MACF1: variants seen among roughly 807,000 people sequenced by gnomAD.
The protein encoded by MACF1 is microtubule-actin cross-linking factor 1.
MACF1 carries 193 observed loss-of-function variants against 854.8 expected under a neutral mutation model. The observed-to-expected ratio is 0.23, with a 90% CI of 0.20 to 0.25. The LOEUF (loss-of-function observed/expected upper bound fraction) is 0.25, where lower values mean the gene tolerates loss of function less well. Ranked by LOEUF, MACF1 falls within the 10% of genes least tolerant of loss-of-function variation. The probability of loss-of-function intolerance (pLI) is 1.00; values close to 1 mark genes in which losing one functional copy is unlikely to be tolerated. For synonymous variants in MACF1, 3,185 were observed against 3,226.7 expected (o/e 0.99, Z 0.44); for missense variants, 7,722 against 8,929.1 (o/e 0.86, Z 5.45).
intron 1 of MACF1, among the ~76,000 whole-genome samples, chr1:39,230,934 G>GC (rs1318758362): frequency 6.6e-6 from 1 of 152,190 alleles, no homozygotes; most frequent in Non-Finnish European, 1.5e-5. Flanking sequence ...AAATTATTGT[G>GC]CTAAGGAGAC....
intron 43 of MACF1, among the ~76,000 whole-genome samples, chr1:39,352,334 G>A (rs1647209076): frequency 6.6e-6 from 1 of 152,128 alleles, no homozygotes; most frequent in Non-Finnish European, 1.5e-5. Flanking sequence ...GTTCTGTTTA[G>A]TTGAGGAAAG....
At chr1:39,190,300 C>T (rs1240724696) in intron 2 of MACF1, among the ~76,000 whole-genome samples, 2 of 151,216 alleles carry the variant, frequency 1.3e-5, no homozygotes, top group African/African-American at 4.9e-5. Flanking sequence ...CTTTTTTCCT[C>T]CCCTCCCCGC....
intron 2 of MACF1, among the ~76,000 whole-genome samples, chr1:39,247,802 G>A (rs558743394): frequency 6.6e-6 from 1 of 152,308 alleles, no homozygotes; most frequent in Admixed American, 6.5e-5. Context: ...GGAGGCTGAG[G>A]CGGGTGGATC....
Position 39,332,355 on chromosome 1 carries a change from C to G in MACF1, c.5767C>G (p.Pro1923Ala), listed in dbSNP as rs755847609. 1.4e-5 allele frequency: 23 copies of G among 1,613,878 alleles called. No individual in the cohort carries two copies. The highest frequency in any genetic ancestry group is 1.9e-5 in the Non-Finnish European group (23 of 1,180,014). Residue 1923 changes from proline (P) to alanine (A), a missense_variant, in exon 37 of 101, where the codon CCT (proline) becomes GCT (alanine). By Grantham distance (27) the Pro-to-Ala change is conservative. Transcript: ENST00000564288. ...LANNLKSICI[P>A]DVMPHMQLAD... ...CAATAACTTAAAATCGATTTGTATACCTGATGTGATGCCCCACATGCAACT... is the reference window on the plus strand; with the variant it reads ...CAATAACTTAAAATCGATTTGTATAGCTGATGTGATGCCCCACATGCAACT...
intron 15 of MACF1, among the ~76,000 whole-genome samples, chr1:39,288,949 G>C (rs1188667709): frequency 6.6e-6 from 1 of 152,152 alleles, no homozygotes; most frequent in Non-Finnish European, 1.5e-5. Context: ...TTCCCAGCCT[G>C]TTTTGATTTA....
chr1:39,410,621 GGC>G, intron 58 of MACF1: 1 of 1,613,982 alleles, frequency 6.2e-7, no homozygotes, highest in East Asian at 2.2e-5. Flanking sequence ...CCCAGAAGGC[GGC>G]CAAATGCAGA....
intron 2 of MACF1, among the ~76,000 whole-genome samples, chr1:39,236,751 T>C (rs1644863969): frequency 6.6e-6 from 1 of 152,146 alleles, no homozygotes. Context: ...AACCTCTGCC[T>C]CCTGGGTTCA....
chr1:39,333,424 T>G lies in MACF1; in HGVS notation c.6836T>G (p.Leu2279Trp). ...CTGTCATGCAGTCATCCATTAGAAT[T>G]GCTTGAAGAAGCTACCTTAAATGTA... is the stretch of plus-strand genomic sequence containing the variant. ...IFLSCSHPLE[L>W]LEEATLNVLS... is the part of the protein sequence containing the mutation. The change falls in exon 37 of 101, where the codon TTG becomes TGG. Residue 2279 changes from leucine (L) to tryptophan (W), a missense_variant. Physicochemically the swap from Leu to Trp is moderately conservative, Grantham distance 61 (BLOSUM62 -2). Around this residue, in one of 15 missense-constraint regions of MACF1, gnomAD observed 1,531 missense variants for 1,601.6 expected, o/e 0.96. Transcript: ENST00000564288. 1 of 1,614,190 alleles carries G rather than the reference T, an allele frequency of 6.2e-7. No individual in the cohort carries two copies. Among genetic ancestry groups the G allele is most frequent in the South Asian group, 1.1e-5 (1 of 91,082 alleles).
chr1:39,480,763 G>A (rs1372313984), intron 98 of MACF1, among the ~76,000 whole-genome samples, 157 bp from the exon 99 acceptor site: 1 of 152,156 alleles, frequency 6.6e-6, no homozygotes, highest in Non-Finnish European at 1.5e-5. Context: ...TGCCTGCCTG[G>A]TCCTTCTCAT....
At chr1:39,427,424 C>T (rs1193745507) in intron 61 of MACF1, 31 bp from the exon 62 acceptor site, 2 of 1,600,800 alleles carry the variant, frequency 1.2e-6, no homozygotes, top group African/African-American at 1.4e-5. Context: ...GACTTTTCTT[C>T]CTGAGCAGCT....
intron 58 of MACF1, among the ~76,000 whole-genome samples, chr1:39,417,446 A>G (rs867131822): frequency 4.5e-4 from 68 of 152,322 alleles, no homozygotes; most frequent in African/African-American, 1.4e-3. Flanking sequence ...ATTCCAGTTC[A>G]GTGTTTGAAC....
chr1:39,219,413 A>G (rs1465967153), intron 1 of MACF1, among the ~76,000 whole-genome samples: 1 of 152,222 alleles, frequency 6.6e-6, no homozygotes, highest in African/African-American at 2.4e-5. Flanking sequence ...GAATAAGCAT[A>G]CTTGAGAGAG....
intron 22 of MACF1, among the ~76,000 whole-genome samples, chr1:39,301,424 C>A (rs1401013173): frequency 6.7e-6 from 1 of 149,644 alleles, no homozygotes. Context: ...CCGCGCCCAG[C>A]CTATTTTATT....
chr1:39,433,807 C>T (rs947745964), intron 68 of MACF1, among the ~76,000 whole-genome samples: 6 of 152,066 alleles, frequency 3.9e-5, no homozygotes, highest in Non-Finnish European at 7.4e-5. Flanking sequence ...TGGCCAGGCA[C>T]GGTGGCTCAC....
chr1:39,104,207 G>C (rs1023442247), intron 2 of MACF1, among the ~76,000 whole-genome samples: 3 of 152,132 alleles, frequency 2.0e-5, no homozygotes, highest in Non-Finnish European at 2.9e-5. Context: ...CTGCTAAATG[G>C]GGGGTGGCGG....
chr1:39,300,321 A>G lies in MACF1; in HGVS notation c.2593A>G (p.Thr865Ala), dbSNP rs1332906575. Residue 865 changes from threonine to alanine, a missense_variant, in exon 22 of 101, where the codon ACC (threonine) becomes GCC (alanine). By Grantham distance (58) the Thr-to-Ala change is moderately conservative (BLOSUM62 0). This residue lies in a region of MACF1 where 1,137 missense variants were observed against 1,263.0 expected (regional missense o/e 0.90). Coordinates refer to ENST00000564288, the MANE Select transcript of MACF1 (RefSeq NM_001394062.1). ...PRSPDHVLKN[T>A]ISVKAVCDYR... ...CAGTCCAGACCATGTGTTAAAGAAC[A>G]CCATTTCTGTCAAGGCTGTCTGTGA... 6.2e-7 allele frequency: 1 copy of G among 1,614,070 alleles called. No homozygotes were observed. Among genetic ancestry groups the G allele is most frequent in the East Asian group, 2.2e-5 (1 of 44,882 alleles).
rs754630979 is a variant in MACF1, at chr1:39,332,988, A to G, written c.6400A>G (p.Ile2134Val). Reference protein sequence around the residue: ...ENASRGHLLTIPPAEAEGVPL... With the variant: ...ENASRGHLLTVPPAEAEGVPL... ...TGCCAGCAGGGGACACCTCCTGACC[A>G]TACCTCCTGCTGAGGCGGAAGGTGT... The change falls in exon 37 of 101, where the codon ATA becomes GTA. Residue 2134 changes from isoleucine (I) to valine (V), a missense_variant. Transcript: ENST00000564288. The G allele has an allele frequency of 1.5e-5, 24 of 1,614,030 alleles. No homozygotes were observed. In the South Asian group the frequency reaches 2.4e-4, roughly 16 times the overall value.
chr1:39,270,010 T>A (rs1645285829), intron 6 of MACF1, among the ~76,000 whole-genome samples: 1 of 152,226 alleles, frequency 6.6e-6, no homozygotes, highest in Non-Finnish European at 1.5e-5. Context: ...TAGATAGTAC[T>A]TACTCTCAGG....
At chr1:39,470,044 C>A (rs948879414) in intron 97 of MACF1, among the ~76,000 whole-genome samples, 1 of 152,074 alleles carries the variant, frequency 6.6e-6, no homozygotes, top group African/African-American at 2.4e-5. Context: ...GAGTATGTGC[C>A]CCTAGTCAGC....
Sources: gnomAD v4.1 joint callset for allele counts (sites outside exome capture counted in the v4.1 genomes callset) on GRCh38, gnomAD v4.1.1 for gene constraint, gnomAD v4.1.1 regional missense constraint, MANE v1.5 for transcripts, NCBI Gene and HGNC (gene_info 2026-07-23, HGNC 2026-07-21) for gene names.